EFNA5: variants seen among roughly 807,000 people sequenced by gnomAD.
EFNA5 encodes the protein ephrin-A5.
In EFNA5, 5 loss-of-function variants were observed where a neutral mutation model predicts 22.9. The observed-to-expected ratio is 0.22, with a 90% CI of 0.11 to 0.46. The LOEUF (loss-of-function observed/expected upper bound fraction) is 0.46, where lower values mean the gene tolerates loss of function less well. EFNA5 is among the 20% of genes least tolerant of loss of function. The pLI is 0.99. For missense variants in EFNA5, 237 were observed against 293.3 expected (o/e 0.81, Z 1.40); for synonymous variants, 113 against 112.2 (o/e 1.01, Z -0.04).
chr5:107,562,940 C>A (rs181982622), intron 1 of EFNA5, among the ~76,000 whole-genome samples: 29 of 152,226 alleles, frequency 1.9e-4, no homozygotes, highest in Middle Eastern at 3.4e-3. Context: ...AATTACTGAG[C>A]TGTTTGTGTT....
At chr5:107,464,199 G>A (rs1749912995) in intron 1 of EFNA5, among the ~76,000 whole-genome samples, 1 of 152,086 alleles carries the variant, frequency 6.6e-6, no homozygotes, top group African/African-American at 2.4e-5. Flanking sequence ...TCAGCCCCGG[G>A]ACCAGCAGCA....
At chr5:107,622,603 C>G (rs17165752) in intron 1 of EFNA5, among the ~76,000 whole-genome samples, 4,799 of 152,208 alleles carry the variant, frequency 0.032, 245 homozygotes, top group African/African-American at 0.11. Context: ...CCTTGCAAAT[C>G]GGTTTACCTA....
chr5:107,648,949 C>T (rs26730), intron 1 of EFNA5, among the ~76,000 whole-genome samples: 129,679 of 152,126 alleles, frequency 0.85, 55,531 homozygotes, highest in African/African-American at 0.94. Flanking sequence ...AGAAGTAAAT[C>T]ATAAGTTTTT....
intron 4 of EFNA5, among the ~76,000 whole-genome samples, chr5:107,382,563 G>A (rs1747499088): frequency 6.6e-6 from 1 of 152,000 alleles, no homozygotes; most frequent in Non-Finnish European, 1.5e-5. Flanking sequence ...TAGAGAGACA[G>A]GGTTTTCCTT....
chr5:107,564,682 G>A (rs981874828), intron 1 of EFNA5, among the ~76,000 whole-genome samples: 4 of 147,326 alleles, frequency 2.7e-5, no homozygotes, highest in African/African-American at 7.7e-5. Flanking sequence ...TAATGACCTG[G>A]GCAGGTCCCT....
intron 1 of EFNA5, among the ~76,000 whole-genome samples, chr5:107,588,231 C>T (rs1362524637): frequency 5.3e-5 from 8 of 149,938 alleles, no homozygotes; most frequent in South Asian, 2.1e-4. Context: ...TATTATTTTT[C>T]GTTAAAAAAA....
At chr5:107,646,134 T>G (rs1163413244) in intron 1 of EFNA5, among the ~76,000 whole-genome samples, 2 of 152,154 alleles carry the variant, frequency 1.3e-5, no homozygotes, top group African/African-American at 4.8e-5. Flanking sequence ...TAGTAATTAG[T>G]ATCTAAGGTA....
chr5:107,494,960 A>G (rs905515439), intron 1 of EFNA5, among the ~76,000 whole-genome samples: 8 of 152,190 alleles, frequency 5.3e-5, no homozygotes, highest in African/African-American at 1.9e-4. Context: ...TGGTGGGGAC[A>G]TGAAAAACCT....
chr5:107,563,780 A>C (rs1430284256), intron 1 of EFNA5, among the ~76,000 whole-genome samples: 1 of 152,022 alleles, frequency 6.6e-6, no homozygotes, highest in Non-Finnish European at 1.5e-5. Context: ...TTGTATCTAA[A>C]TTTACATCCC....
chr5:107,394,887 G>A (rs186269360), intron 2 of EFNA5, among the ~76,000 whole-genome samples: 3 of 152,194 alleles, frequency 2.0e-5, no homozygotes, highest in Admixed American at 2.0e-4. Context: ...TAAAAGCTCA[G>A]TGACAACAAA....
chr5:107,478,453 T>C (rs183232464), intron 1 of EFNA5, among the ~76,000 whole-genome samples: 146 of 152,304 alleles, frequency 9.6e-4, no homozygotes, highest in African/African-American at 3.1e-3. Context: ...TCAGAAGATA[T>C]CTACACAGAT....
At chr5:107,601,950 T>C (rs889759744) in intron 1 of EFNA5, among the ~76,000 whole-genome samples, 23 of 152,232 alleles carry the variant, frequency 1.5e-4, no homozygotes, top group African/African-American at 5.5e-4. Flanking sequence ...CACAGCTTTC[T>C]AGGAACCAAT....
chr5:107,582,800 T>C (rs1749099130), intron 1 of EFNA5, among the ~76,000 whole-genome samples: 1 of 152,120 alleles, frequency 6.6e-6, no homozygotes, highest in Non-Finnish European at 1.5e-5. Flanking sequence ...CCTTTTTCTG[T>C]TCCTTTCCTC....
rs78107667 is a variant in EFNA5, at chr5:107,472,854, C to T, written c.126-45345G>A. On this transcript the variant is annotated intron_variant, in intron 1 of 4. Transcript: ENST00000333274. ...GAGCTGGCTCAGTCATCTGAGTGTA[C>T]TCACTGTTGAAATAAAGCTGGTAGG... Among the ~76,000 whole-genome samples, 624 of 152,316 alleles carry T rather than the reference C, an allele frequency of 4.1e-3. 3 individuals are homozygous for T. Among genetic ancestry groups the T allele is most frequent in the Middle Eastern group, 0.024 (7 of 294 alleles).
rs778571679 is a variant in EFNA5, at chr5:107,399,316, AAC to A, written c.419-11547_419-11546del. 7.1e-3 allele frequency among the ~76,000 whole-genome samples: 923 copies of A among 129,760 alleles called. 13 individuals are homozygous for A. The highest frequency in any genetic ancestry group is 0.027 in the African/African-American group (867 of 32,130). The allele number at this position is 129,760 out of a possible 152,430, so 85.1% of individuals were successfully genotyped here. A position where few individuals can be genotyped will look rare whatever the true frequency, so the allele number is the denominator to read the frequency against. ...AAAGAAGGAAGGAAGGAAGGAAGGA[AAC>A]GGAAAGGAAAGGAAAGGAAAGGAAA... On this transcript the variant is annotated intron_variant, in intron 2 of 4. Transcript: ENST00000333274.
chr5:107,419,441 C>A (rs1332920106), intron 2 of EFNA5, among the ~76,000 whole-genome samples: 1 of 152,138 alleles, frequency 6.6e-6, no homozygotes, highest in Non-Finnish European at 1.5e-5. Context: ...CGATATAATT[C>A]TTAAAAAATA....
intron 1 of EFNA5, among the ~76,000 whole-genome samples, chr5:107,429,250 C>A (rs546147858): frequency 1.3e-5 from 2 of 152,222 alleles, no homozygotes; most frequent in South Asian, 4.1e-4. Context: ...TGAGACCAAT[C>A]TGGCCAACAT....
At chr5:107,448,189 A>G (rs1047542684) in intron 1 of EFNA5, among the ~76,000 whole-genome samples, 1 of 152,208 alleles carries the variant, frequency 6.6e-6, no homozygotes, top group Non-Finnish European at 1.5e-5. Context: ...GACAGACTGG[A>G]TGGAGAGAAA....
At chr5:107,419,087 G>A (rs1198259910) in intron 2 of EFNA5, among the ~76,000 whole-genome samples, 1 of 152,222 alleles carries the variant, frequency 6.6e-6, no homozygotes, top group African/African-American at 2.4e-5. Context: ...GAAGGCAGAG[G>A]TACAGGTCTA....
Sources: allele counts gnomAD v4.1 joint callset (sites outside exome capture counted in the v4.1 genomes callset), GRCh38; gene constraint gnomAD v4.1.1; transcripts MANE v1.5; gene names NCBI Gene and HGNC (gene_info 2026-07-23, HGNC 2026-07-21).